NEMP2: variants seen among roughly 807,000 people sequenced by gnomAD.
NEMP2 encodes the protein nuclear envelope integral membrane protein 2, also known as UPF0571 transmembrane protein.
In NEMP2, 53 loss-of-function variants were observed where a neutral mutation model predicts 54.2. The ratio of observed to expected loss-of-function variants is 0.98; its 90% CI spans 0.78 to 1.23. NEMP2 has a LOEUF of 1.23. Among genes scored for constraint, NEMP2 ranks in the 50% most tolerant of loss-of-function variants. NEMP2 has a pLI of 0.00. For synonymous variants in NEMP2, 197 were observed against 190.3 expected, an observed-to-expected ratio of 1.04 and a Z score of -0.29; for missense variants, 455 against 511.3, an observed-to-expected ratio of 0.89 and a Z score of 1.06.
rs1374648721 is a variant in NEMP2, at chr2:190,529,176, CA to C, written c.98-3799del. ...TGGGCGACAGAGTGAGACTCTGTCT[CA>C]AAACAAAAACAAACACAAACAAACA... is the stretch of plus-strand genomic sequence containing the variant. On this transcript the variant is annotated intron_variant, in intron 1 of 8. Coordinates refer to ENST00000409150, the MANE Select transcript of NEMP2 (RefSeq NM_001142645.2). This position sits in a 1 kb window ranked among gnomAD's most constrained non-coding sequence, Gnocchi z 4.7. Among the ~76,000 whole-genome samples the C allele has an allele frequency of 6.6e-6, 1 of 152,062 alleles. No homozygotes were observed. The highest frequency in any genetic ancestry group is 1.5e-5 in the Non-Finnish European group (1 of 68,000).
At chr2:190,632,031 G>T in the NEMP2 span, among the ~76,000 whole-genome samples, 1 of 152,132 alleles carries the variant, frequency 6.6e-6, no homozygotes, top group Admixed American at 6.5e-5. The surrounding 1 kb of genome is among the most constrained non-coding windows in gnomAD (Gnocchi z 4.8). Flanking sequence ...ACTCTTGCCT[G>T]GGCAACTGGA....
the NEMP2 span, chr2:190,454,083 C>T: frequency 3.9e-5 from 6 of 152,092 alleles, no homozygotes; most frequent in South Asian, 2.1e-4. The surrounding 1 kb of genome is among the most constrained non-coding windows in gnomAD (Gnocchi z 4.6). Context: ...TTGTAGGCCT[C>T]GCAATTTATA....
the NEMP2 span, among the ~76,000 whole-genome samples, chr2:190,581,327 TATA>T: frequency 6.6e-6 from 1 of 151,108 alleles, no homozygotes; most frequent in Non-Finnish European, 1.5e-5. Context: ...TGGAAAAAAA[TATA>T]ATGTGTTACA....
At chr2:190,565,176 G>A in the NEMP2 span, among the ~76,000 whole-genome samples, 6 of 151,714 alleles carry the variant, frequency 4.0e-5, no homozygotes, top group Admixed American at 3.3e-4. Context: ...TTTTAATCAA[G>A]AGACACCCAG....
At chr2:190,642,850 C>A in the NEMP2 span, among the ~76,000 whole-genome samples, 211 of 151,970 alleles carry the variant, frequency 1.4e-3, no homozygotes, top group Middle Eastern at 0.017. The surrounding 1 kb of genome is among the most constrained non-coding windows in gnomAD (Gnocchi z 4.1). Context: ...TAAATCTATT[C>A]TTTTGTTTGG....
At chr2:190,436,766 C>T in the NEMP2 span, 1 of 1,614,196 alleles carries the variant, frequency 6.2e-7, no homozygotes, top group East Asian at 2.2e-5. The surrounding 1 kb of genome is among the most constrained non-coding windows in gnomAD (Gnocchi z 5.3). Flanking sequence ...AACTCAAGCA[C>T]AGCAACCCCT....
chr2:190,461,516 A>G, the NEMP2 span, among the ~76,000 whole-genome samples: 3 of 152,300 alleles, frequency 2.0e-5, no homozygotes, highest in Non-Finnish European at 4.4e-5. The surrounding 1 kb of genome is among the most constrained non-coding windows in gnomAD (Gnocchi z 5.5). Context: ...AATGTCTTTT[A>G]CCTTGCTTTA....
At chr2:190,516,498 G>T in intron 5 of NEMP2, 114 bp from the exon 6 acceptor site, 1 of 753,326 alleles carries the variant, frequency 1.3e-6, no homozygotes, top group Non-Finnish European at 2.1e-6. Flanking sequence ...CTGATTTGAA[G>T]TCAATTTAAG....
At chr2:190,436,424 A>G in the NEMP2 span, 1 of 1,614,138 alleles carries the variant, frequency 6.2e-7, no homozygotes, top group African/African-American at 1.3e-5. This position sits in a 1 kb window ranked among gnomAD's most constrained non-coding sequence, Gnocchi z 5.3. Flanking sequence ...AAAAAAGGCA[A>G]AATTGTCCTC....
At chr2:190,595,896 TG>T in the NEMP2 span, among the ~76,000 whole-genome samples, 4 of 152,218 alleles carry the variant, frequency 2.6e-5, no homozygotes, top group African/African-American at 9.6e-5. The surrounding 1 kb of genome is among the most constrained non-coding windows in gnomAD (Gnocchi z 4.0). Context: ...ATCTCATTAG[TG>T]GGTATAAACC....
chr2:190,430,429 A>G, the NEMP2 span, among the ~76,000 whole-genome samples: 15 of 151,424 alleles, frequency 9.9e-5, no homozygotes, highest in Non-Finnish European at 1.5e-4. Context: ...GCTGCCTTCA[A>G]GCATCTGTTT....
chr2:190,446,140 C>T, the NEMP2 span, among the ~76,000 whole-genome samples: 8 of 152,340 alleles, frequency 5.3e-5, no homozygotes, highest in East Asian at 9.6e-4. Context: ...AAATGATCTT[C>T]AGGATTCTCC....
At chr2:190,569,407 A>AAATAAAG in the NEMP2 span, among the ~76,000 whole-genome samples, 19 of 152,024 alleles carry the variant, frequency 1.2e-4, 1 homozygote, top group East Asian at 1.2e-3. Context: ...TTTAAATAAA[A>AAATAAAG]AAAGGAAAGT....
the NEMP2 span, among the ~76,000 whole-genome samples, chr2:190,451,090 G>A: frequency 6.6e-6 from 1 of 152,190 alleles, no homozygotes; most frequent in East Asian, 1.9e-4. This position sits in a 1 kb window ranked among gnomAD's most constrained non-coding sequence, Gnocchi z 5.0. Context: ...TCGTTGAGTA[G>A]TGTAGTAGTT....
chr2:190,492,441 C>T, the NEMP2 span, among the ~76,000 whole-genome samples: 1 of 152,158 alleles, frequency 6.6e-6, no homozygotes, highest in African/African-American at 2.4e-5. This position sits in a 1 kb window ranked among gnomAD's most constrained non-coding sequence, Gnocchi z 5.2. Flanking sequence ...AGATTAACAG[C>T]AGATTTCTCA....
the NEMP2 span, among the ~76,000 whole-genome samples, chr2:190,571,215 A>C: frequency 2.0e-5 from 3 of 152,228 alleles, no homozygotes; most frequent in Non-Finnish European, 2.9e-5. Flanking sequence ...CTTAAAATAG[A>C]CTTAGCTACT....
chr2:190,423,564 C>T, the NEMP2 span, among the ~76,000 whole-genome samples: 3 of 152,138 alleles, frequency 2.0e-5, no homozygotes, highest in Non-Finnish European at 4.4e-5. This position sits in a 1 kb window ranked among gnomAD's most constrained non-coding sequence, Gnocchi z 4.3. Flanking sequence ...GTTGTCTCCA[C>T]TTTTTGGCTA....
the NEMP2 span, among the ~76,000 whole-genome samples, chr2:190,491,614 G>A: frequency 6.6e-6 from 1 of 152,230 alleles, no homozygotes; most frequent in African/African-American, 2.4e-5. The surrounding 1 kb of genome is among the most constrained non-coding windows in gnomAD (Gnocchi z 4.2). Flanking sequence ...AACAGGGAGA[G>A]TACTACATCA....
In NEMP2 at chr2:190,516,819, G is replaced by A. The variant is rs180671903; in HGVS notation, c.613-435C>T. On this transcript the variant is annotated intron_variant, in intron 5 of 8. Coordinates refer to ENST00000409150, the MANE Select transcript of NEMP2 (RefSeq NM_001142645.2). ...TTTTATTGAAGGTGTAGCCGGGCAC[G>A]GTGGCTCACGCCTGTATTTGCAGCT... is the stretch of plus-strand genomic sequence containing the variant. 9.9e-5 allele frequency among the ~76,000 whole-genome samples: 15 copies of A among 152,214 alleles called. No homozygotes were observed. The East Asian group carries it at 1.9e-3, about 20-fold the overall frequency.
Sources: gnomAD v4.1 joint callset for allele counts (sites outside exome capture counted in the v4.1 genomes callset) on GRCh38, gnomAD v4.1.1 for gene constraint, Gnocchi (gnomAD v3.1) non-coding constraint, MANE v1.5 for transcripts, NCBI Gene and HGNC (gene_info 2026-07-23, HGNC 2026-07-21) for gene names.